The following ANKRD62 variants were observed in gnomAD, a reference collection of about 807,000 sequenced individuals.
ANKRD62 encodes ankyrin repeat domain 62, also known as ankyrin repeat domain-containing protein 62.
A neutral mutation model predicts 98.8 loss-of-function variants in ANKRD62; 61 were observed. The observed-to-expected ratio is 0.62, with a 90% CI of 0.50 to 0.76. ANKRD62 has a LOEUF of 0.76. ANKRD62 is among the 30% of genes least tolerant of loss of function. The probability of loss-of-function intolerance (pLI) is 0.00; values close to 1 mark genes in which losing one functional copy is unlikely to be tolerated. For synonymous variants in ANKRD62, 341 were observed against 367.9 expected (o/e 0.93, Z 0.84); for missense variants, 933 against 1,082.9 (o/e 0.86, Z 1.94).
the ANKRD62 span, among the ~76,000 whole-genome samples, chr18:12,167,713 C>T: frequency 1.2e-4 from 19 of 152,202 alleles, no homozygotes; most frequent in South Asian, 2.1e-4. Context: ...ATCGCCACAC[C>T]GTCTTCCACA....
downstream of ANKRD62, among the ~76,000 whole-genome samples, chr18:12,131,375 C>T (rs12456173): frequency 0.31 from 47,022 of 152,052 alleles, 7,936 homozygotes; most frequent in Middle Eastern, 0.4. Context: ...GCTTGGTTAA[C>T]AAATACCACA....
At chr18:12,155,765 C>T in the ANKRD62 span, among the ~76,000 whole-genome samples, 24 of 152,126 alleles carry the variant, frequency 1.6e-4, no homozygotes, top group African/African-American at 5.1e-4. Context: ...CAAAGCAGAA[C>T]CTAGCTGGCC....
rs1265146603 is a variant in ANKRD62, at chr18:12,129,510, G to C, written c.*1571G>C. The C allele has an allele frequency of 3.3e-5, 5 of 152,264 alleles. No homozygotes were observed. The highest frequency in any genetic ancestry group is 6.5e-5 in the Admixed American group (1 of 15,282). The allele number at this position is 152,264 out of a possible 1,614,324, so 9.4% of individuals were successfully genotyped here. On this transcript the variant is annotated 3_prime_UTR_variant, in exon 14 of 14. Coordinates refer to ENST00000587848, the MANE Select transcript of ANKRD62 (RefSeq NM_001277333.2). ...CGCCTGTAATCCCAACACTTTGGGA[G>C]GCCGAGATGGGCGGATCATGAGGTC...
the ANKRD62 span, among the ~76,000 whole-genome samples, chr18:12,165,340 T>G: frequency 1.3e-5 from 2 of 152,062 alleles, no homozygotes. Flanking sequence ...TTTTCAAGTC[T>G]TCTTTTCTTC....
At chr18:12,160,788 T>A in the ANKRD62 span, among the ~76,000 whole-genome samples, 2 of 152,136 alleles carry the variant, frequency 1.3e-5, no homozygotes, top group Non-Finnish European at 2.9e-5. Flanking sequence ...GTAAGTTGTT[T>A]GTGGAGGTGA....
At chr18:12,119,390 C>T (rs932306132) in intron 10 of ANKRD62, among the ~76,000 whole-genome samples, 1 of 148,110 alleles carries the variant, frequency 6.8e-6, no homozygotes, top group Non-Finnish European at 1.5e-5. Flanking sequence ...AACAAAATAC[C>T]ATAGACTGGG....
chr18:12,146,321 T>C, the ANKRD62 span, among the ~76,000 whole-genome samples: 5 of 152,210 alleles, frequency 3.3e-5, no homozygotes, highest in African/African-American at 1.2e-4. Context: ...GCCGCCATCT[T>C]TGCTGTTGGG....
In ANKRD62 at chr18:12,115,432, A is replaced by C. The variant is rs531642204; in HGVS notation, c.1138A>C (p.Ile380Leu). The change falls in exon 10 of 14, where the codon ATA becomes CTA. Residue 380 changes from isoleucine (I) to leucine (L), a missense_variant. Coordinates refer to ENST00000587848, the MANE Select transcript of ANKRD62 (RefSeq NM_001277333.2). Reference sequence around the variant, plus strand: ...ATATTTCACGGATGACCTTAATGACATAAGTGGGTCATCTGAAAAAACCTC... The same window carrying C: ...ATATTTCACGGATGACCTTAATGACCTAAGTGGGTCATCTGAAAAAACCTC... ...QIYFTDDLND[I>L]SGSSEKTSED... The C allele has an allele frequency of 6.5e-7, 1 of 1,536,986 alleles. No homozygotes were observed.
intron 8 of ANKRD62, among the ~76,000 whole-genome samples, chr18:12,114,172 A>G (rs954419887): frequency 6.6e-6 from 1 of 152,016 alleles, no homozygotes; most frequent in Admixed American, 6.6e-5. Flanking sequence ...GGAAAGGATC[A>G]GGAAGAATAA....
chr18:12,140,702 C>T, the ANKRD62 span, among the ~76,000 whole-genome samples: 3 of 152,190 alleles, frequency 2.0e-5, no homozygotes, highest in Admixed American at 6.5e-5. Flanking sequence ...GATCGTTCCT[C>T]TGGAAGTTTT....
At chr18:12,146,442 T>TG in the ANKRD62 span, among the ~76,000 whole-genome samples, 13 of 152,062 alleles carry the variant, frequency 8.5e-5, no homozygotes, top group Middle Eastern at 3.4e-3. Context: ...CAGACTTTTT[T>TG]GGGGGGGCGT....
chr18:12,157,899 G>A, the ANKRD62 span, among the ~76,000 whole-genome samples: 1 of 152,360 alleles, frequency 6.6e-6, no homozygotes, highest in Non-Finnish European at 1.5e-5. Context: ...CAGCTTCCCT[G>A]TGGTGCGTAG....
At chr18:12,118,308 C>T (rs1294258633) in intron 10 of ANKRD62, among the ~76,000 whole-genome samples, 1 of 152,126 alleles carries the variant, frequency 6.6e-6, no homozygotes, top group South Asian at 2.1e-4. Context: ...TGGAATCATA[C>T]AGAAAGTAGC....
At chr18:12,101,964 G>A in intron 6 of ANKRD62, 2 of 963,852 alleles carry the variant, frequency 2.1e-6, no homozygotes, top group Admixed American at 3.4e-5. Flanking sequence ...GCATACATCA[G>A]TTCTTCAAAG....
At chr18:12,107,079 T>G (rs1349825475) in intron 7 of ANKRD62, among the ~76,000 whole-genome samples, 1 of 152,082 alleles carries the variant, frequency 6.6e-6, no homozygotes, top group Non-Finnish European at 1.5e-5. Flanking sequence ...TTTTGAAAAT[T>G]TTATTCACTC....
the ANKRD62 span, among the ~76,000 whole-genome samples, chr18:12,135,279 G>C: frequency 6.9e-6 from 1 of 144,234 alleles, no homozygotes; most frequent in Admixed American, 7.3e-5. Context: ...ACCTATGAGT[G>C]AGAACATGCG....
chr18:12,124,922 C>T (rs1202103042), intron 12 of ANKRD62, among the ~76,000 whole-genome samples: 3 of 152,024 alleles, frequency 2.0e-5, no homozygotes, highest in Non-Finnish European at 4.4e-5. Flanking sequence ...AGTACAATGC[C>T]TAGATCTGTC....
At chr18:12,117,220 AG>A (rs1012833679) in intron 10 of ANKRD62, among the ~76,000 whole-genome samples, 28 of 152,172 alleles carry the variant, frequency 1.8e-4, no homozygotes, top group African/African-American at 6.8e-4. Flanking sequence ...TCTTTCTCAA[AG>A]TACCCTCTTA....
the ANKRD62 span, among the ~76,000 whole-genome samples, chr18:12,137,978 G>T: frequency 2.6e-5 from 4 of 151,946 alleles, no homozygotes; most frequent in Admixed American, 6.6e-5. Context: ...CAATTTTGTT[G>T]ATCTTTTCAA....
Sources: allele counts gnomAD v4.1 joint callset (sites outside exome capture counted in the v4.1 genomes callset), GRCh38; gene constraint gnomAD v4.1.1; transcripts MANE v1.5; gene names NCBI Gene and HGNC (gene_info 2026-07-23, HGNC 2026-07-21).